The following GYG1 variants were observed in gnomAD, a reference collection of about 807,000 sequenced individuals.
The protein encoded by GYG1 is glycogenin 1.
In GYG1, 44 loss-of-function variants were observed where a neutral mutation model predicts 41.9. The observed-to-expected ratio is 1.05, with a 90% CI of 0.83 to 1.35. The LOEUF (loss-of-function observed/expected upper bound fraction) is 1.35, where lower values mean the gene tolerates loss of function less well. GYG1 is among the 40% of genes most tolerant of loss of function. GYG1 has a pLI of 0.00. For missense variants in GYG1, 429 were observed against 418.9 expected (o/e 1.02, Z -0.21); for synonymous variants, 141 against 158.1 (o/e 0.89, Z 0.81).
At chr3:149,007,047 A>T (rs1414031523) in intron 4 of GYG1, among the ~76,000 whole-genome samples, 1 of 152,256 alleles carries the variant, frequency 6.6e-6, no homozygotes, top group Non-Finnish European at 1.5e-5. Context: ...AGAGGCTGGG[A>T]ATTCCAAGAT....
At chr3:149,006,844 A>G (rs1351357225) in intron 4 of GYG1, among the ~76,000 whole-genome samples, 1 of 152,254 alleles carries the variant, frequency 6.6e-6, no homozygotes, top group African/African-American at 2.4e-5. Context: ...TAGAATCCAA[A>G]ATAAGCCTTT....
At chr3:149,016,484 G>A (rs1320234431) in intron 5 of GYG1, among the ~76,000 whole-genome samples, 1 of 152,052 alleles carries the variant, frequency 6.6e-6, no homozygotes, top group African/African-American at 2.4e-5. Context: ...TCCCTGACCT[G>A]GTCTGTGAAG....
At chr3:148,997,898 C>G (rs1393967292) in intron 4 of GYG1, among the ~76,000 whole-genome samples, 1 of 152,186 alleles carries the variant, frequency 6.6e-6, no homozygotes, top group African/African-American at 2.4e-5. Flanking sequence ...CTCCCCTTTC[C>G]AAGAGTAGAT....
In GYG1 at chr3:149,027,253, G is replaced by A. The variant is rs1464390216; in HGVS notation, c.*320G>A. 2.0e-5 allele frequency: 7 copies of A among 357,664 alleles called. No homozygotes were observed. The highest frequency in any genetic ancestry group is 1.2e-4 in the African/African-American group (6 of 48,264). 22.2% of individuals were successfully genotyped at this position (357,664 alleles called of 1,614,324 possible). On this transcript the variant is annotated 3_prime_UTR_variant, in exon 8 of 8. Coordinates refer to ENST00000345003, the MANE Select transcript of GYG1 (RefSeq NM_004130.4). ...TGTATCAGTTCTTAAAATCTGCAGA[G>A]CCTGGTTCAAAATCAGTCACTCCCT... is the stretch of plus-strand genomic sequence containing the variant.
intron 5 of GYG1, among the ~76,000 whole-genome samples, chr3:149,010,622 C>T (rs559280014): frequency 2.6e-5 from 4 of 152,282 alleles, no homozygotes; most frequent in East Asian, 1.9e-4. Flanking sequence ...CCACTGCTCC[C>T]GGCCCCTGGT....
intron 4 of GYG1, among the ~76,000 whole-genome samples, chr3:149,004,820 A>C (rs114676571): frequency 1.3e-5 from 2 of 152,246 alleles, no homozygotes; most frequent in Non-Finnish European, 2.9e-5. Flanking sequence ...TGTTTTCTGT[A>C]CACCCCGTGC....
intron 5 of GYG1, 72 bp downstream of exon 5, chr3:149,009,474 G>C: frequency 7.2e-7 from 1 of 1,394,728 alleles, no homozygotes; most frequent in Non-Finnish European, 1.0e-6. Flanking sequence ...TTTTGGGGCT[G>C]CTTCATTGTC....
chr3:149,009,187 C>A (rs879242794), intron 4 of GYG1, 89 bp from the exon 5 acceptor site: 1 of 908,644 alleles, frequency 1.1e-6, no homozygotes, highest in Non-Finnish European at 1.7e-6. Flanking sequence ...GAATTAGTGT[C>A]TATTTTTAAA....
chr3:148,994,231 A>T lies in GYG1; in HGVS notation c.97A>T (p.Arg33Trp), dbSNP rs1436001763. 1 of 1,613,926 alleles carries T rather than the reference A, an allele frequency of 6.2e-7. No homozygotes were observed. Among genetic ancestry groups the T allele is most frequent in the Non-Finnish European group, 8.5e-7 (1 of 1,179,932 alleles). Residue 33 changes from arginine (R) to tryptophan (W), a missense_variant, in exon 2 of 8, where the codon AGG (arginine) becomes TGG (tryptophan). Physicochemically the swap from Arg to Trp is moderately radical, Grantham distance 101. Transcript: ENST00000345003. ...ATCTCTGAAACAGCACAGGACCACCAGGAGGCTGGTCGTGCTCGCCACCCC... is the reference window on the plus strand; with the variant it reads ...ATCTCTGAAACAGCACAGGACCACCTGGAGGCTGGTCGTGCTCGCCACCCC... ...GSSLKQHRTT[R>W]RLVVLATPQV...
chr3:149,005,689 C>T (rs1713359772), intron 4 of GYG1, among the ~76,000 whole-genome samples: 1 of 152,216 alleles, frequency 6.6e-6, no homozygotes, highest in African/African-American at 2.4e-5. Flanking sequence ...GCCATAATCT[C>T]TGTTCTTGTG....
chr3:149,012,994 A>G, intron 5 of GYG1, among the ~76,000 whole-genome samples: 1 of 75,600 alleles, frequency 1.3e-5, no homozygotes, highest in African/African-American at 8.5e-5. Context: ...ATGCTCAGTT[A>G]ATTTGTGTGT....
intron 5 of GYG1, among the ~76,000 whole-genome samples, chr3:149,014,022 A>G (rs1713883343): frequency 6.6e-6 from 1 of 152,188 alleles, no homozygotes; most frequent in Admixed American, 6.5e-5. Context: ...GGCCTCAGAG[A>G]TGAATAAGGG....
rs200947378 is a variant in GYG1 at position 148,994,180 on chromosome 3, G to A, written c.46G>A (p.Ala16Thr). Residue 16 changes from alanine to threonine, a missense_variant, in exon 2 of 8, where the codon GCC (alanine) becomes ACC (threonine). By Grantham distance (58) the Ala-to-Thr change is moderately conservative. Coordinates refer to ENST00000345003, the MANE Select transcript of GYG1 (RefSeq NM_004130.4). ...FVTLTTNDAY[A>T]KGALVLGSSL... is the part of the protein sequence containing the mutation. ...GACACTAACCACAAACGATGCCTACGCCAAAGGTGCCCTGGTCCTGGGATC... is the reference window on the plus strand; with the variant it reads ...GACACTAACCACAAACGATGCCTACACCAAAGGTGCCCTGGTCCTGGGATC... 739 of 1,613,466 alleles carry A rather than the reference G, an allele frequency of 4.6e-4. 9 individuals carry two copies. The South Asian group carries it at 7.0e-3, about 15-fold the overall frequency.
chr3:149,020,651 A>G (rs548347620), intron 5 of GYG1, among the ~76,000 whole-genome samples: 1 of 152,368 alleles, frequency 6.6e-6, no homozygotes, highest in East Asian at 1.9e-4. Flanking sequence ...GTAAACTGTC[A>G]AGAGAGCAGG....
chr3:149,027,945 A>G lies in GYG1; in HGVS notation c.*1012A>G, dbSNP rs951663316. Reference sequence around the variant, plus strand: ...AAAGTCATTCCTAACTGTCAGAATCAATACTGGGTCCAGTCCCTACTAGTA... The same window carrying G: ...AAAGTCATTCCTAACTGTCAGAATCGATACTGGGTCCAGTCCCTACTAGTA... On this transcript the variant is annotated 3_prime_UTR_variant, in exon 8 of 8. Transcript: ENST00000345003. 1.3e-5 allele frequency among the ~76,000 whole-genome samples: 2 copies of G among 152,226 alleles called. No individual in the cohort carries two copies. Among genetic ancestry groups the G allele is most frequent in the Admixed American group, 6.5e-5 (1 of 15,282 alleles).
chr3:149,022,498 C>CGTTTTTTTT (rs1714424453), intron 5 of GYG1, among the ~76,000 whole-genome samples: 1 of 69,588 alleles, frequency 1.4e-5, no homozygotes, highest in African/African-American at 5.9e-5. Flanking sequence ...CTTGTTTTGC[C>CGTTTTTTTT]TTTTTTTTTT....
At chr3:149,025,886 G>C (rs1714623858) in intron 6 of GYG1, among the ~76,000 whole-genome samples, 1 of 152,050 alleles carries the variant, frequency 6.6e-6, no homozygotes, top group Non-Finnish European at 1.5e-5. Context: ...TGACCTCAGG[G>C]GCCTCTCTTT....
chr3:149,001,959 T>C (rs1713115616), intron 4 of GYG1, among the ~76,000 whole-genome samples: 1 of 152,182 alleles, frequency 6.6e-6, no homozygotes, highest in African/African-American at 2.4e-5. Context: ...ATTTTACAAA[T>C]GAAGGAATGG....
rs1278549439 is a variant in GYG1 at position 148,996,389 on chromosome 3, G to A, written c.231G>A (p.Arg77=). The stretch of plus-strand genomic sequence containing the variant: ...CTGCTCATCTAACCTTAATGAAGAG[G>A]CCAGAGTTGGGTGTCACGCTGACAA... ...GDSAHLTLMK[R]PELGVTLTKL... is the part of the protein sequence containing the mutation. The change falls in exon 3 of 8, where the codon AGG becomes AGA. Residue 77 remains arginine (R), a synonymous_variant. Coordinates refer to ENST00000345003, the MANE Select transcript of GYG1 (RefSeq NM_004130.4). The A allele has an allele frequency of 6.2e-7, 1 of 1,612,920 alleles. No homozygotes were observed. The highest frequency in any genetic ancestry group is 8.5e-7 in the Non-Finnish European group (1 of 1,179,474).
Sources: allele counts gnomAD v4.1 joint callset (sites outside exome capture counted in the v4.1 genomes callset), GRCh38; gene constraint gnomAD v4.1.1; transcripts MANE v1.5; gene names NCBI Gene and HGNC (gene_info 2026-07-23, HGNC 2026-07-21).